Variants in SPPL2A observed in about 807,000 individuals in gnomAD.
SPPL2A encodes signal peptide peptidase-like 2A.
A neutral mutation model predicts 63.8 loss-of-function variants in SPPL2A; 51 were observed. The observed-to-expected ratio is 0.80, with a 90% CI of 0.64 to 1.01. SPPL2A has a LOEUF of 1.01. Among genes scored for constraint, SPPL2A ranks in the 50% least tolerant of loss-of-function variants. SPPL2A has a pLI of 0.00. For missense variants in SPPL2A, 553 were observed against 622.7 expected (o/e 0.89, Z 1.19); for synonymous variants, 188 against 205.8 (o/e 0.91, Z 0.74).
intron 6 of SPPL2A, among the ~76,000 whole-genome samples, chr15:50,737,986 C>T (rs888385185): frequency 6.6e-6 from 1 of 151,980 alleles, no homozygotes; most frequent in Admixed American, 6.6e-5. Flanking sequence ...GCAAGAGAAT[C>T]GCTCCATCTC....
chr15:50,726,835 G>C (rs2062691571), intron 10 of SPPL2A, among the ~76,000 whole-genome samples: 2 of 152,078 alleles, frequency 1.3e-5, no homozygotes, highest in Non-Finnish European at 1.5e-5. Context: ...AACTTTATTT[G>C]AATAAATATA....
intron 1 of SPPL2A, among the ~76,000 whole-genome samples, chr15:50,751,648 G>A (rs188845888): frequency 6.4e-4 from 97 of 152,222 alleles, no homozygotes; most frequent in Admixed American, 6.2e-3. Context: ...TGATGAGTAA[G>A]TAATCTATGG....
rs576023254 is a variant in SPPL2A at position 50,749,575 on chromosome 15, C to T, written c.177+61G>A. On this transcript the variant is annotated intron_variant, in intron 2 of 14. Coordinates refer to ENST00000261854, the MANE Select transcript of SPPL2A (RefSeq NM_032802.4). ...TGCTGGGATTACAGGCATGAGCCACCGTGCCCAGCCTCCTTCTTCACTATT... is the reference window on the plus strand; with the variant it reads ...TGCTGGGATTACAGGCATGAGCCACTGTGCCCAGCCTCCTTCTTCACTATT... 1.3e-4 allele frequency: 144 copies of T among 1,123,458 alleles called. 2 individuals are homozygous for T. The South Asian group carries it at 1.5e-3, about 12-fold the overall frequency. The allele number at this position is 1,123,458 out of a possible 1,614,324, so 69.6% of individuals were successfully genotyped here.
chr15:50,737,583 G>A (rs1377054890), intron 6 of SPPL2A, among the ~76,000 whole-genome samples: 1 of 152,082 alleles, frequency 6.6e-6, no homozygotes, highest in Non-Finnish European at 1.5e-5. Flanking sequence ...CCCTTGAGGA[G>A]CTGGAACTAC....
intron 14 of SPPL2A, among the ~76,000 whole-genome samples, chr15:50,709,366 G>A (rs1304459516): frequency 3.3e-5 from 5 of 152,098 alleles, no homozygotes; most frequent in Non-Finnish European, 5.9e-5. Flanking sequence ...AGGCTTTAGT[G>A]TTTTTTGGAA....
At chr15:50,743,920 A>G (rs1381360675) in intron 5 of SPPL2A, among the ~76,000 whole-genome samples, 1 of 152,114 alleles carries the variant, frequency 6.6e-6, no homozygotes, top group East Asian at 1.9e-4. Context: ...CACACCTGTA[A>G]TCCCAGCATT....
intron 10 of SPPL2A, among the ~76,000 whole-genome samples, chr15:50,729,795 T>C (rs571994318): frequency 9.2e-5 from 14 of 152,210 alleles, no homozygotes; most frequent in African/African-American, 2.9e-4. Context: ...ATCAGAAGTG[T>C]AGATTTTTAC....
At chr15:50,761,276 A>G (rs2063009100) in intron 1 of SPPL2A, among the ~76,000 whole-genome samples, 1 of 152,142 alleles carries the variant, frequency 6.6e-6, no homozygotes, top group Non-Finnish European at 1.5e-5. Flanking sequence ...TTTTAAAGAC[A>G]CTATGAGGAA....
intron 1 of SPPL2A, among the ~76,000 whole-genome samples, chr15:50,755,630 A>G (rs1428809763): frequency 1.3e-4 from 9 of 71,622 alleles, no homozygotes; most frequent in South Asian, 4.4e-4. Flanking sequence ...CCTGTCTCAA[A>G]AAAAAAAAAA....
In SPPL2A at chr15:50,765,464, T is replaced by C; in HGVS notation, c.66+4A>G. 1 of 1,501,856 alleles carries C rather than the reference T, an allele frequency of 6.7e-7. No homozygotes were observed. The allele number at this position is 1,501,856 out of a possible 1,614,324, so 93.0% of individuals were successfully genotyped here. Reference sequence around the variant, plus strand: ...GAGGCCTGCGCGCCTTCCCGCCCCCTTACCAGCTGGAGCAGGAAGCCCCAG... The same window carrying C: ...GAGGCCTGCGCGCCTTCCCGCCCCCCTACCAGCTGGAGCAGGAAGCCCCAG... On this transcript the variant is annotated splice_donor_region_variant and intron_variant, in intron 1 of 14. Transcript: ENST00000261854.
intron 2 of SPPL2A, 27 bp from the exon 3 acceptor site, chr15:50,748,897 A>T (rs2062882292): frequency 6.8e-7 from 1 of 1,481,332 alleles, no homozygotes; most frequent in African/African-American, 1.4e-5. Context: ...TCTTTTTAAC[A>T]TGTTAAAAAT....
In SPPL2A at chr15:50,704,090, C is replaced by T. The variant is rs1234026469; in HGVS notation, c.*3710G>A. 1.3e-5 allele frequency: 2 copies of T among 151,948 alleles called. No homozygotes were observed. Among genetic ancestry groups the T allele is most frequent in the Admixed American group, 6.6e-5 (1 of 15,244 alleles). 9.4% of individuals were successfully genotyped at this position (151,948 alleles called of 1,614,324 possible). On this transcript the variant is annotated 3_prime_UTR_variant, in exon 15 of 15. Transcript: ENST00000261854. ...AGGCACGGTGGCTCATGCCTGTAAT[C>T]CCAGCACTTTAGGAGGCTGAGGCGG...
At chr15:50,723,437 A>G (rs2062663073) in intron 12 of SPPL2A, among the ~76,000 whole-genome samples, 1 of 152,178 alleles carries the variant, frequency 6.6e-6, no homozygotes, top group Non-Finnish European at 1.5e-5. Context: ...ATGAATAAAA[A>G]AATGTGGTAC....
chr15:50,763,558 C>T (rs1018710934), intron 1 of SPPL2A, among the ~76,000 whole-genome samples: 1 of 152,098 alleles, frequency 6.6e-6, no homozygotes, highest in African/African-American at 2.4e-5. Context: ...ATATAGAACC[C>T]GAGATTACCA....
intron 6 of SPPL2A, among the ~76,000 whole-genome samples, chr15:50,738,286 C>T (rs1331766174): frequency 1.3e-5 from 2 of 152,098 alleles, no homozygotes; most frequent in African/African-American, 2.4e-5. Context: ...CGGTAACTCA[C>T]GCCTGTAATC....
At chr15:50,739,940 T>A in intron 5 of SPPL2A, 112 bp from the exon 6 acceptor site, 1 of 525,070 alleles carries the variant, frequency 1.9e-6, no homozygotes, top group Non-Finnish European at 2.9e-6. Flanking sequence ...GTATTTTTAT[T>A]TATTAAAATA....
At chr15:50,737,099 A>G (rs1010392866) in intron 6 of SPPL2A, among the ~76,000 whole-genome samples, 8 of 151,990 alleles carry the variant, frequency 5.3e-5, no homozygotes, top group Non-Finnish European at 1.2e-4. Context: ...GTTTTAGTAG[A>G]CGGGGTTTTG....
chr15:50,726,853 C>T (rs1301566392), intron 10 of SPPL2A, among the ~76,000 whole-genome samples: 3 of 152,146 alleles, frequency 2.0e-5, no homozygotes, highest in Non-Finnish European at 4.4e-5. Flanking sequence ...ATACATCTGA[C>T]CTTCTGGCTA....
rs536055633 is a variant in SPPL2A at position 50,749,672 on chromosome 15, A to G, written c.141T>C (p.Pro47=). 6 of 1,611,636 alleles carry G rather than the reference A, an allele frequency of 3.7e-6. No individual in the cohort carries two copies. In the African/African-American group the frequency reaches 6.7e-5, roughly 18 times the overall value. Residue 47 remains proline, a synonymous_variant, in exon 2 of 15, where the codon CCT becomes CCC. Transcript: ENST00000261854. ...GGGTACTTGGAAGAGCTGTCCAATA[A>G]GGGTTATAAAGCATGCAGTAGTCCT... ...TTKDYCMLYN[P]YWTALPSTLE...
Sources: allele counts gnomAD v4.1 joint callset (sites outside exome capture counted in the v4.1 genomes callset), GRCh38; gene constraint gnomAD v4.1.1; transcripts MANE v1.5; gene names NCBI Gene and HGNC (gene_info 2026-07-23, HGNC 2026-07-21).